Variants in COA6 observed in about 807,000 individuals in gnomAD.
COA6 encodes the protein cytochrome c oxidase assembly factor 6.
In COA6, 12 loss-of-function variants were observed where a neutral mutation model predicts 17.1. The observed-to-expected ratio is 0.70, with a 90% CI of 0.45 to 1.14. The LOEUF (loss-of-function observed/expected upper bound fraction) is 1.14, where lower values mean the gene tolerates loss of function less well. Among genes scored for constraint, COA6 ranks in the 50% most tolerant of loss-of-function variants. The probability of loss-of-function intolerance (pLI) is 0.00; values close to 1 mark genes in which losing one functional copy is unlikely to be tolerated. For synonymous variants in COA6, 90 were observed against 73.4 expected (o/e 1.23, Z -1.16); for missense variants, 246 against 196.5 (o/e 1.25, Z -1.51).
chr1:234,374,486 C>G (rs541625850), intron 2 of COA6, 97 bp downstream of exon 2: 1 of 1,253,742 alleles, frequency 8.0e-7, no homozygotes, highest in African/African-American at 1.5e-5. Flanking sequence ...TGAGGCATGT[C>G]AATTAACAGT....
chr1:234,383,819 GCTGTT>G lies in COA6; in HGVS notation c.*3_*7del. 1 of 1,499,422 alleles carries G rather than the reference GCTGTT, an allele frequency of 6.7e-7. No individual in the cohort carries two copies. The highest frequency in any genetic ancestry group is 2.3e-5 in the East Asian group (1 of 44,260). The allele number at this position is 1,499,422 out of a possible 1,614,324, so 92.9% of individuals were successfully genotyped here. On this transcript the variant is annotated 3_prime_UTR_variant, in exon 3 of 3. Transcript: ENST00000366615. ...TTCAGAAACAACTGCAAAATCCTAG[GCTGTT>G]CATAAAGATTGAAAGTATTCTTTCT...
Position 234,373,811 on chromosome 1 carries a change from C to T in COA6, c.212+133C>T. The stretch of plus-strand genomic sequence containing the variant: ...CCAATCGCCTGCTTGGTGATTGTGG[C>T]CCCCACACACCTGTTTCTACAGCGC... On this transcript the variant is annotated intron_variant, in intron 1 of 2. Transcript: ENST00000366615. The T allele has an allele frequency of 3.1e-6, 5 of 1,613,638 alleles. No homozygotes were observed. The South Asian group carries it at 3.3e-5, about 11-fold the overall frequency.
intron 2 of COA6, among the ~76,000 whole-genome samples, chr1:234,376,539 G>A (rs1658799687): frequency 6.6e-6 from 1 of 152,168 alleles, no homozygotes; most frequent in Admixed American, 6.5e-5. Context: ...TTGACATGAA[G>A]TCACCTGTAG....
chr1:234,383,015 AAG>A (rs3041202), intron 2 of COA6, among the ~76,000 whole-genome samples: 4 of 64,368 alleles, frequency 6.2e-5, no homozygotes, highest in African/African-American at 9.0e-5. Flanking sequence ...TCAAGAAAGA[AAG>A]AGAGAGAGAG....
chr1:234,383,705 C>A lies in COA6; in HGVS notation c.373-18C>A, dbSNP rs750557888. 4.8e-6 allele frequency: 5 copies of A among 1,048,412 alleles called. No homozygotes were observed. The highest frequency in any genetic ancestry group is 7.0e-6 in the Non-Finnish European group (5 of 716,736). 64.9% of individuals were successfully genotyped at this position (1,048,412 alleles called of 1,614,324 possible). A position where few individuals can be genotyped will look rare whatever the true frequency, so the allele number is the denominator to read the frequency against. On this transcript the variant is annotated intron_variant, in intron 2 of 2. Transcript: ENST00000366615. ...TGCATAACTTGCCCTTATTTCAAAT[C>A]CTTTTTTTTTCCAACAGATAAAATA...
rs569545170 is a variant in COA6 at position 234,378,908 on chromosome 1, G to A, written c.372+4519G>A. On this transcript the variant is annotated intron_variant, in intron 2 of 2. Transcript: ENST00000366615. ...GAAAAAAACAAAACAAACAAAAAAA[G>A]CAACAAAAACCTGCACCGATGTGTT... is the stretch of plus-strand genomic sequence containing the variant. Among the ~76,000 whole-genome samples the A allele has an allele frequency of 5.3e-5, 8 of 150,934 alleles. No individual in the cohort carries two copies. In the South Asian group the frequency reaches 8.4e-4, roughly 16 times the overall value.
intron 2 of COA6, among the ~76,000 whole-genome samples, chr1:234,382,021 A>G (rs926739166): frequency 2.0e-5 from 3 of 152,232 alleles, no homozygotes; most frequent in Admixed American, 2.0e-4. Context: ...GGATGAATGT[A>G]TAGTCTGATT....
chr1:234,375,917 A>G (rs905474866), intron 2 of COA6, among the ~76,000 whole-genome samples: 3 of 152,110 alleles, frequency 2.0e-5, no homozygotes, highest in South Asian at 2.1e-4. Context: ...CGACCTCCCA[A>G]AGCACTGGGA....
chr1:234,373,651 A>G lies in COA6; in HGVS notation c.185A>G (p.Lys62Arg). The G allele has an allele frequency of 6.2e-7, 1 of 1,613,104 alleles. No homozygotes were observed. The highest frequency in any genetic ancestry group is 8.5e-7 in the Non-Finnish European group (1 of 1,179,350). Residue 62 changes from lysine to arginine, a missense_variant, in exon 1 of 3, where the codon AAG becomes AGG. Coordinates refer to ENST00000366615, the MANE Select transcript of COA6 (RefSeq NM_001206641.3). Reference sequence around the variant, plus strand: ...ACAGTTTCCTCCCGTCGACATCGAAAGGAAGCCGGACGTGGGCGGGCAGAG... The same window carrying G: ...ACAGTTTCCTCCCGTCGACATCGAAGGGAAGCCGGACGTGGGCGGGCAGAG... The part of the protein sequence containing the change: ...CVTVSSRRHR[K>R]EAGRGRAESF...
intron 1 of COA6, 181 bp from the exon 2 acceptor site, chr1:234,374,049 C>G (rs960576078): frequency 1.5e-5 from 13 of 877,106 alleles, no homozygotes; most frequent in South Asian, 3.7e-5. Context: ...TATGCTGCCA[C>G]TGAGAACTGA....
chr1:234,377,059 CGAGAGAGA>C lies in COA6; in HGVS notation c.372+2705_372+2712del, dbSNP rs71170479. On this transcript the variant is annotated intron_variant, in intron 2 of 2. Coordinates refer to ENST00000366615, the MANE Select transcript of COA6 (RefSeq NM_001206641.3). Reference sequence around the variant, plus strand: ...GACAGCTACCTTCTTGCTGTGTTGCCGAGAGAGAGAGAGAGAGAGAGAGAGAGAGAGAG... The same window carrying C: ...GACAGCTACCTTCTTGCTGTGTTGCCGAGAGAGAGAGAGAGAGAGAGAGAG... 2.8e-3 allele frequency among the ~76,000 whole-genome samples: 232 copies of C among 82,606 alleles called. 29 individuals are homozygous for C. Among genetic ancestry groups the C allele is most frequent in the South Asian group, 0.018 (45 of 2,554 alleles). The allele number at this position is 82,606 out of a possible 152,430, so 54.2% of individuals were successfully genotyped here.
chr1:234,378,171 A>C (rs1433929500), intron 2 of COA6, among the ~76,000 whole-genome samples: 1 of 152,190 alleles, frequency 6.6e-6, no homozygotes, highest in Non-Finnish European at 1.5e-5. Context: ...ATTTTAATGG[A>C]ATGATAGAGA....
At chr1:234,380,188 A>G (rs564950034) in intron 2 of COA6, among the ~76,000 whole-genome samples, 2 of 152,142 alleles carry the variant, frequency 1.3e-5, no homozygotes, top group Non-Finnish European at 2.9e-5. Flanking sequence ...CTTTTCAAGT[A>G]TTACCTTGTC....
chr1:234,373,932 G>A lies in COA6; in HGVS notation c.212+254G>A, dbSNP rs997693639. The A allele has an allele frequency of 1.8e-5, 26 of 1,420,418 alleles. No individual in the cohort carries two copies. The African/African-American group carries it at 3.4e-4, about 19-fold the overall frequency. 88.0% of individuals were successfully genotyped at this position (1,420,418 alleles called of 1,614,324 possible). The stretch of plus-strand genomic sequence containing the variant: ...AGAGAATAAATGAGCTGCCCTAAGC[G>A]ACTGGGACAGAACCACAGTTCTCAG... On this transcript the variant is annotated intron_variant, in intron 1 of 2. Transcript: ENST00000366615.
At chr1:234,373,940 C>A in intron 1 of COA6, 1 of 1,369,872 alleles carries the variant, frequency 7.3e-7, no homozygotes, top group Non-Finnish European at 9.9e-7. Flanking sequence ...GCGACTGGGA[C>A]AGAACCACAG....
chr1:234,377,146 A>T (rs1658831836), intron 2 of COA6, among the ~76,000 whole-genome samples: 2 of 95,308 alleles, frequency 2.1e-5, no homozygotes, highest in Non-Finnish European at 1.9e-5. Context: ...GTTGTTGTTG[A>T]GACAGAGTCT....
intron 2 of COA6, among the ~76,000 whole-genome samples, chr1:234,380,924 T>C (rs1380064146): frequency 6.6e-6 from 1 of 152,152 alleles, no homozygotes; most frequent in Non-Finnish European, 1.5e-5. Context: ...CACTGGAACC[T>C]GGTAAGCAGA....
chr1:234,381,085 C>G (rs1009731380), intron 2 of COA6, among the ~76,000 whole-genome samples: 7 of 152,194 alleles, frequency 4.6e-5, no homozygotes, highest in Admixed American at 4.6e-4. Context: ...TAACAAAGTT[C>G]CACAAACAGA....
chr1:234,383,714 T>TC lies in COA6; in HGVS notation c.373-9_373-8insC, dbSNP rs758141058. On this transcript the variant is annotated splice_polypyrimidine_tract_variant and intron_variant, in intron 2 of 2. Transcript: ENST00000366615. ...TGCCCTTATTTCAAATCCTTTTTTTTTCCAACAGATAAAATATTTTGATAA... is the reference window on the plus strand; with the variant it reads ...TGCCCTTATTTCAAATCCTTTTTTTTCTCCAACAGATAAAATATTTTGATAA... 1.2e-5 allele frequency: 14 copies of TC among 1,208,796 alleles called. No individual in the cohort carries two copies. The highest frequency in any genetic ancestry group is 9.3e-5 in the East Asian group (4 of 43,012). The allele number at this position is 1,208,796 out of a possible 1,614,324, so 74.9% of individuals were successfully genotyped here.
Sources: allele counts gnomAD v4.1 joint callset (sites outside exome capture counted in the v4.1 genomes callset), GRCh38; gene constraint gnomAD v4.1.1; transcripts MANE v1.5; gene names NCBI Gene and HGNC (gene_info 2026-07-23, HGNC 2026-07-21).